The following ENAH variants were observed in gnomAD, a reference collection of about 807,000 sequenced individuals.
ENAH encodes the protein ENAH actin regulator, also known as protein enabled homolog.
A neutral mutation model predicts 78.7 loss-of-function variants in ENAH; 23 were observed. The observed-to-expected ratio is 0.29, with a 90% confidence interval of 0.21 to 0.41. The LOEUF (loss-of-function observed/expected upper bound fraction) is 0.41. Among genes scored for constraint, ENAH ranks in the 10% least tolerant of loss-of-function variants. ENAH has a pLI of 1.00. For synonymous variants in ENAH, 226 were observed against 241.0 expected (o/e 0.94, Z 0.58); for missense variants, 544 against 691.0 (o/e 0.79, Z 2.39).
intron 3 of ENAH, among the ~76,000 whole-genome samples, chr1:225,537,746 C>G (rs888450258): frequency 7.3e-5 from 11 of 149,694 alleles, no homozygotes; most frequent in Non-Finnish European, 1.2e-4. Context: ...TCACGGCTGT[C>G]CCTTTATCGC....
At chr1:225,517,613 G>A (rs868284647) in intron 5 of ENAH, 2 of 1,550,854 alleles carry the variant, frequency 1.3e-6, no homozygotes, top group African/African-American at 1.4e-5. Context: ...ATTATTGGAG[G>A]AGATGGAGGG....
intron 1 of ENAH, among the ~76,000 whole-genome samples, chr1:225,576,978 T>C (rs1156537918): frequency 6.6e-6 from 1 of 151,882 alleles, no homozygotes; most frequent in Non-Finnish European, 1.5e-5. Flanking sequence ...CTACAAAAAG[T>C]GCAAAACTTA....
chr1:225,554,787 TAACA>T (rs1275739921), intron 3 of ENAH, 115 bp downstream of exon 3: 11 of 844,446 alleles, frequency 1.3e-5, no homozygotes, highest in South Asian at 8.0e-5. Context: ...ATCTAAAAGT[TAACA>T]AACATTTGTT....
At chr1:225,603,472 T>G (rs1211863262) in intron 1 of ENAH, among the ~76,000 whole-genome samples, 1 of 152,144 alleles carries the variant, frequency 6.6e-6, no homozygotes, top group Non-Finnish European at 1.5e-5. Flanking sequence ...CAATGAAAGT[T>G]AGAAAAAAGT....
intron 1 of ENAH, among the ~76,000 whole-genome samples, chr1:225,611,505 G>C (rs879449998): frequency 1.3e-5 from 2 of 152,086 alleles, no homozygotes; most frequent in Admixed American, 6.6e-5. Flanking sequence ...ATTTTGTAGA[G>C]ATGAGGTTTC....
chr1:225,502,078 C>G (rs1321095034), intron 11 of ENAH, among the ~76,000 whole-genome samples: 1 of 152,138 alleles, frequency 6.6e-6, no homozygotes, highest in Non-Finnish European at 1.5e-5. Flanking sequence ...TGTTAGCAAT[C>G]TGAAGCAAGA....
At chr1:225,609,327 C>G (rs909815794) in intron 1 of ENAH, among the ~76,000 whole-genome samples, 14 of 151,356 alleles carry the variant, frequency 9.2e-5, no homozygotes, top group South Asian at 2.1e-4. Flanking sequence ...CCAGCTAAAA[C>G]AAAAAGCTGT....
intron 4 of ENAH, among the ~76,000 whole-genome samples, chr1:225,522,458 G>C (rs748186918): frequency 5.9e-5 from 9 of 151,998 alleles, no homozygotes; most frequent in Non-Finnish European, 1.3e-4. Flanking sequence ...TTGAGATACT[G>C]ACTACTAATA....
chr1:225,504,032 G>A (rs2096306020), intron 11 of ENAH, among the ~76,000 whole-genome samples: 1 of 150,630 alleles, frequency 6.6e-6, no homozygotes, highest in Non-Finnish European at 1.5e-5. Context: ...CCTAAAAGAG[G>A]GTCTCACTCT....
At chr1:225,631,215 C>T (rs1658959995) in intron 1 of ENAH, among the ~76,000 whole-genome samples, 2 of 152,074 alleles carry the variant, frequency 1.3e-5, no homozygotes, top group Non-Finnish European at 2.9e-5. Context: ...GAAAACAGCA[C>T]AGAACTCCTT....
chr1:225,546,527 T>C lies in ENAH; in HGVS notation c.349+8379A>G, dbSNP rs186042826. ...CTGGCCCTAACACATCCATGGTAGG[T>C]AAAGAATACCTAAATACAGTCCTTG... is the stretch of plus-strand genomic sequence containing the variant. On this transcript the variant is annotated intron_variant, in intron 3 of 13. Coordinates refer to ENST00000366843, the MANE Select transcript of ENAH (RefSeq NM_018212.6). Among the ~76,000 whole-genome samples, 22 of 152,122 alleles carry C rather than the reference T, an allele frequency of 1.4e-4. 1 individual carries two copies. In the East Asian group the frequency reaches 4.3e-3, roughly 29 times the overall value.
chr1:225,603,704 A>G (rs557857346), intron 1 of ENAH, among the ~76,000 whole-genome samples: 1 of 152,220 alleles, frequency 6.6e-6, no homozygotes, highest in South Asian at 2.1e-4. Flanking sequence ...TTTGAAATCA[A>G]TCAGAAGGAC....
chr1:225,652,517 A>G (rs1663208885), intron 1 of ENAH, 169 bp downstream of exon 1: 1 of 841,774 alleles, frequency 1.2e-6, no homozygotes, highest in Non-Finnish European at 1.4e-6. Flanking sequence ...GAGGTTTCCA[A>G]GAAAGAAAGA....
intron 1 of ENAH, chr1:225,580,164 T>C (rs960499318): frequency 6.6e-6 from 1 of 152,034 alleles, no homozygotes; most frequent in African/African-American, 2.4e-5. Flanking sequence ...CCCAGAGACT[T>C]ACCTCTACTG....
intron 3 of ENAH, chr1:225,535,531 T>C (rs765380041): frequency 3.1e-6 from 4 of 1,303,764 alleles, no homozygotes; most frequent in Admixed American, 2.3e-5. Context: ...CGCAAATTAG[T>C]GCTGTCCTGG....
At chr1:225,569,816 G>C (rs1032842300) in intron 1 of ENAH, among the ~76,000 whole-genome samples, 1 of 152,166 alleles carries the variant, frequency 6.6e-6, no homozygotes, top group African/African-American at 2.4e-5. Flanking sequence ...ATGGGTAAGA[G>C]CTGAGGTGTT....
At chr1:225,517,884 T>G in intron 5 of ENAH, 1 of 1,551,310 alleles carries the variant, frequency 6.4e-7, no homozygotes. Flanking sequence ...CATCTGACAC[T>G]GGAGCTGAGA....
At chr1:225,550,518 A>C (rs890012035) in intron 3 of ENAH, among the ~76,000 whole-genome samples, 4 of 152,246 alleles carry the variant, frequency 2.6e-5, no homozygotes, top group African/African-American at 9.6e-5. Flanking sequence ...CAAAACTGTC[A>C]CTATAAAGTA....
chr1:225,559,441 A>T (rs780172968), intron 2 of ENAH, among the ~76,000 whole-genome samples: 1 of 152,208 alleles, frequency 6.6e-6, no homozygotes, highest in East Asian at 1.9e-4. Flanking sequence ...CCTTCTATAC[A>T]TTCTTACAGA....
Sources: gnomAD v4.1 joint callset for allele counts (sites outside exome capture counted in the v4.1 genomes callset) on GRCh38, gnomAD v4.1.1 for gene constraint, MANE v1.5 for transcripts, NCBI Gene and HGNC (gene_info 2026-07-23, HGNC 2026-07-21) for gene names.